ZC3H12B: variants seen among roughly 807,000 people sequenced by gnomAD.
ZC3H12B encodes probable ribonuclease ZC3H12B.
A neutral mutation model predicts 43.9 loss-of-function variants in ZC3H12B; 7 were observed. That is an observed-to-expected ratio of 0.16 (90% CI 0.09 to 0.30). ZC3H12B has a LOEUF of 0.30. ZC3H12B is among the 10% of genes least tolerant of loss of function. The probability of loss-of-function intolerance (pLI) is 1.00; values close to 1 mark genes in which losing one functional copy is unlikely to be tolerated. For missense variants in ZC3H12B, 475 were observed against 670.2 expected (o/e 0.71, Z 3.22); for synonymous variants, 222 against 241.7 (o/e 0.92, Z 0.76).
chrX:65,173,977 T>C, the ZC3H12B span, among the ~76,000 whole-genome samples: 2 of 111,900 alleles, frequency 1.8e-5, no homozygotes, highest in Non-Finnish European at 3.8e-5. Context: ...TTTGTTAGTT[T>C]TTCTTCTAGC....
chrX:65,385,131 G>A (rs960920453), intron 2 of ZC3H12B, among the ~76,000 whole-genome samples: 2 of 112,237 alleles, frequency 1.8e-5, no homozygotes, highest in East Asian at 5.5e-4. Flanking sequence ...TGGCAATGCA[G>A]GCTCTTTTTC....
the ZC3H12B span, among the ~76,000 whole-genome samples, chrX:65,118,592 A>G: frequency 1.8e-5 from 2 of 111,156 alleles, no homozygotes; most frequent in South Asian, 3.8e-4. Flanking sequence ...AGAACTTCCA[A>G]CACTATGTTG....
At chrX:65,249,030 T>C in the ZC3H12B span, among the ~76,000 whole-genome samples, 1 of 111,703 alleles carries the variant, frequency 9.0e-6, no homozygotes, top group Non-Finnish European at 1.9e-5. Context: ...CTCTGTGGGT[T>C]TTCTGTTTAC....
the ZC3H12B span, among the ~76,000 whole-genome samples, chrX:65,175,188 C>T: frequency 2.7e-5 from 3 of 110,397 alleles, no homozygotes; most frequent in Non-Finnish European, 5.7e-5. Flanking sequence ...CCTGCTTCTG[C>T]TTACCCTCCG....
intron 3 of ZC3H12B, among the ~76,000 whole-genome samples, chrX:65,413,824 G>T (rs935465582): frequency 8.9e-6 from 1 of 112,048 alleles, no homozygotes; most frequent in African/African-American, 3.2e-5. Context: ...ATCTGCAAAA[G>T]GCATCATTGT....
chrX:65,045,042 C>T, the ZC3H12B span, among the ~76,000 whole-genome samples: 2 of 110,267 alleles, frequency 1.8e-5, no homozygotes, highest in African/African-American at 6.6e-5. Context: ...TCTAAAAAAT[C>T]TTAATTCTTT....
chrX:65,215,823 A>G, the ZC3H12B span, among the ~76,000 whole-genome samples: 2 of 111,768 alleles, frequency 1.8e-5, no homozygotes, highest in Non-Finnish European at 3.8e-5. Context: ...TTAAAGTGAG[A>G]GATGTGCTAT....
chrX:65,228,330 A>G, the ZC3H12B span, among the ~76,000 whole-genome samples: 44 of 112,105 alleles, frequency 3.9e-4, no homozygotes, highest in African/African-American at 1.3e-3. Flanking sequence ...ACAAAATTCA[A>G]CAACACTTCA....
the ZC3H12B span, among the ~76,000 whole-genome samples, chrX:65,203,056 C>T: frequency 7.2e-5 from 8 of 111,521 alleles, no homozygotes; most frequent in African/African-American, 2.6e-4. Context: ...CTGGCTACTG[C>T]CAATGTTCAC....
At chrX:65,219,601 A>G in the ZC3H12B span, among the ~76,000 whole-genome samples, 2 of 111,692 alleles carry the variant, frequency 1.8e-5, no homozygotes, top group African/African-American at 3.3e-5. Context: ...CAGTCCAACA[A>G]AGACAAAAAG....
At chrX:65,061,259 A>G in the ZC3H12B span, among the ~76,000 whole-genome samples, 1 of 111,340 alleles carries the variant, frequency 9.0e-6, no homozygotes, top group Non-Finnish European at 1.9e-5. Context: ...TCAACTCGTC[A>G]TCTAGGTTTT....
chrX:65,171,486 G>T, the ZC3H12B span, among the ~76,000 whole-genome samples: 1 of 111,223 alleles, frequency 9.0e-6, no homozygotes, highest in Admixed American at 9.6e-5. Flanking sequence ...CTACTCGGGG[G>T]TCCGAGACCC....
chrX:65,306,310 C>A, the ZC3H12B span, among the ~76,000 whole-genome samples: 3 of 112,178 alleles, frequency 2.7e-5, no homozygotes, highest in African/African-American at 9.7e-5. Flanking sequence ...AAAAGTTTGA[C>A]ATTACTAAAA....
At chrX:65,118,529 C>G in the ZC3H12B span, among the ~76,000 whole-genome samples, 1 of 111,520 alleles carries the variant, frequency 9.0e-6, no homozygotes, top group East Asian at 2.8e-4. Context: ...TTGACTTCCT[C>G]TTTTCCTAAT....
chrX:65,291,640 G>A, the ZC3H12B span, among the ~76,000 whole-genome samples: 1 of 111,638 alleles, frequency 9.0e-6, no homozygotes, highest in Admixed American at 9.5e-5. Flanking sequence ...CTAAGGAGTG[G>A]GTGCTGGTGA....
chrX:65,332,737 C>T, the ZC3H12B span, among the ~76,000 whole-genome samples: 102 of 111,612 alleles, frequency 9.1e-4, 1 homozygote, highest in African/African-American at 3.2e-3. Flanking sequence ...AATCTAATAA[C>T]AGGTTTTTGA....
chrX:65,440,100 C>T (rs1308280083), intron 3 of ZC3H12B, among the ~76,000 whole-genome samples: 1 of 112,149 alleles, frequency 8.9e-6, no homozygotes, highest in Non-Finnish European at 1.9e-5. Flanking sequence ...CCTATCTTTC[C>T]TCCTTTTTTG....
chrX:65,162,259 C>G, the ZC3H12B span, among the ~76,000 whole-genome samples: 3 of 110,914 alleles, frequency 2.7e-5, no homozygotes, highest in Non-Finnish European at 5.7e-5. Flanking sequence ...AGTTGCTCTT[C>G]TCGAGGAGTA....
the ZC3H12B span, among the ~76,000 whole-genome samples, chrX:65,256,077 C>T: frequency 8.9e-6 from 1 of 111,872 alleles, no homozygotes; most frequent in Non-Finnish European, 1.9e-5. Flanking sequence ...CATAACCACA[C>T]AATAATAGCA....
Sources: allele counts gnomAD v4.1 joint callset (sites outside exome capture counted in the v4.1 genomes callset), GRCh38; gene constraint gnomAD v4.1.1; transcripts MANE v1.5; gene names NCBI Gene and HGNC (gene_info 2026-07-23, HGNC 2026-07-21).